AIPL1: variants seen among roughly 807,000 people sequenced by gnomAD.
AIPL1 encodes AIP like 1 HSP90 co-chaperone.
In AIPL1, 23 loss-of-function variants were observed where a neutral mutation model predicts 32.9. The observed-to-expected ratio is 0.70, with a 90% CI of 0.50 to 0.99. The LOEUF (loss-of-function observed/expected upper bound fraction) is 0.99, where lower values mean the gene tolerates loss of function less well. Among genes scored for constraint, AIPL1 ranks in the 50% least tolerant of loss-of-function variants. The pLI is 0.00. For missense variants in AIPL1, 485 were observed against 506.0 expected (o/e 0.96, Z 0.40); for synonymous variants, 210 against 209.4 (o/e 1.00, Z -0.02).
intron 2 of AIPL1, among the ~76,000 whole-genome samples, chr17:6,432,637 T>TTC (rs528838916): frequency 2.5e-5 from 1 of 40,526 alleles, no homozygotes; most frequent in African/African-American, 1.3e-4. Context: ...TAATATCCTC[T>TTC]TTTTTTTTTT....
chr17:6,427,110 C>T, intron 3 of AIPL1, 53 bp from the exon 4 acceptor site: 1 of 1,602,714 alleles, frequency 6.2e-7, no homozygotes, highest in Non-Finnish European at 8.5e-7. Context: ...GCCTGCACCC[C>T]ATCAGAGACC....
At chr17:6,433,817 C>T (rs1455486207) in intron 2 of AIPL1, 102 bp downstream of exon 2, 14 of 1,417,778 alleles carry the variant, frequency 9.9e-6, no homozygotes, top group East Asian at 2.5e-5. Flanking sequence ...TGCAAAGCTT[C>T]GCTTGAGTCC....
chr17:6,426,703 C>T lies in AIPL1; in HGVS notation c.696G>A (p.Leu232=). Residue 232 remains leucine (L), a synonymous_variant, in exon 5 of 6, where the codon CTG becomes CTA. Transcript: ENST00000381129. ...GCAGGCACTGGCAGTAGTTGAGGAT[C>T]AGAGTATTGATCATCTTCTCCAGCT... is the stretch of plus-strand genomic sequence containing the variant. The part of the protein sequence containing the change: ...WLKLEKMINT[L]ILNYCQCLLK... 6.2e-7 allele frequency: 1 copy of T among 1,614,190 alleles called. No individual in the cohort carries two copies. The highest frequency in any genetic ancestry group is 1.1e-5 in the South Asian group (1 of 91,084).
intron 2 of AIPL1, among the ~76,000 whole-genome samples, chr17:6,428,942 T>C (rs574998234): frequency 6.6e-6 from 1 of 152,110 alleles, no homozygotes; most frequent in Non-Finnish European, 1.5e-5. Context: ...AAGGGCAGTG[T>C]GGGGCAGTAG....
At chr17:6,433,861 G>T (rs890359130) in intron 2 of AIPL1, 58 bp downstream of exon 2, 3 of 1,575,118 alleles carry the variant, frequency 1.9e-6, no homozygotes, top group African/African-American at 1.6e-5. Flanking sequence ...CCCGCAAAGC[G>T]GGTGGGTGAG....
rs990950090 is a variant in AIPL1 at position 6,427,185 on chromosome 17, A to G, written c.466-128T>C. On this transcript the variant is annotated intron_variant, in intron 3 of 5. Transcript: ENST00000381129. Reference sequence around the variant, plus strand: ...GCTTGCTGGTCAAGTGCATACAGACAAGGGAAAGAAGCAACAACGCCGAAA... The same window carrying G: ...GCTTGCTGGTCAAGTGCATACAGACGAGGGAAAGAAGCAACAACGCCGAAA... 41 of 1,038,274 alleles carry G rather than the reference A, an allele frequency of 3.9e-5. No homozygotes were observed. In the African/African-American group the frequency reaches 6.4e-4, roughly 16 times the overall value. The allele number at this position is 1,038,274 out of a possible 1,614,324, so 64.3% of individuals were successfully genotyped here. A position where few individuals can be genotyped will look rare whatever the true frequency, so the allele number is the denominator to read the frequency against.
Position 6,431,926 on chromosome 17 carries a change from C to T in AIPL1, c.276+1993G>A, listed in dbSNP as rs561684451. ...GAAAGAGAGAGAGAAGAATCTGAAT[C>T]TTATCAGGCCCTCTAGACCCCACTT... On this transcript the variant is annotated intron_variant, in intron 2 of 5. Transcript: ENST00000381129. Among the ~76,000 whole-genome samples, 4 of 152,310 alleles carry T rather than the reference C, an allele frequency of 2.6e-5. No homozygotes were observed. The South Asian group carries it at 8.3e-4, about 32-fold the overall frequency.
At chr17:6,428,072 G>A (rs1179874133) in intron 3 of AIPL1, among the ~76,000 whole-genome samples, 6 of 139,150 alleles carry the variant, frequency 4.3e-5, no homozygotes, top group East Asian at 4.5e-4. Context: ...CAACCCCCTC[G>A]GCCTCCCAAA....
intron 2 of AIPL1, 140 bp downstream of exon 2, chr17:6,433,779 G>A: frequency 9.2e-6 from 10 of 1,092,326 alleles, no homozygotes; most frequent in Non-Finnish European, 1.4e-5. Flanking sequence ...ATGCACAGCG[G>A]TGGGGAATAA....
At chr17:6,425,973 CT>C in intron 5 of AIPL1, 143 bp from the exon 6 acceptor site, 1 of 1,211,772 alleles carries the variant, frequency 8.3e-7, no homozygotes, top group Non-Finnish European at 1.1e-6. Context: ...CCTCGGTTTC[CT>C]CAACTGTAAG....
intron 2 of AIPL1, among the ~76,000 whole-genome samples, chr17:6,432,396 AAGAAGGAAGT>A (rs1912689229): frequency 6.6e-6 from 1 of 151,984 alleles, no homozygotes; most frequent in South Asian, 2.1e-4. Flanking sequence ...AAAGAAAGAA[AAGAAGGAAGT>A]AGACCTATAG....
chr17:6,428,483 T>C lies in AIPL1; in HGVS notation c.300A>G (p.Leu100=), dbSNP rs8075035. 0.64 allele frequency: 1,037,003 copies of C among 1,613,462 alleles called. 335,818 individuals carry two copies. The highest frequency in any genetic ancestry group is 0.78 in the Middle Eastern group (4,721 of 6,062). The change falls in exon 3 of 6, where the codon CTA becomes CTG. Residue 100 remains leucine, a synonymous_variant. Coordinates refer to ENST00000381129, the MANE Select transcript of AIPL1 (RefSeq NM_014336.5). ...GGGCCATCTGCCTCAGGCTCCGGGA[T>C]AGGATGGGGTAGACCCCCGTGTGCT... ...DTIHTGVYPI[L]SRSLRQMAQG...
rs758342878 is a variant in AIPL1, at chr17:6,434,048, A to G, written c.147T>C (p.Ile49=). The change falls in exon 2 of 6, where the codon ATT becomes ATC. Residue 49 remains isoleucine (I), a synonymous_variant. Transcript: ENST00000381129. ...TMKCDEERTV[I]DDSRQVGQPM... ...GCTGGCCCACCTGCCGACTGTCGTC[A>G]ATGACTGTCCGCTCCTCATCACATT... 4 of 1,613,976 alleles carry G rather than the reference A, an allele frequency of 2.5e-6. No individual in the cohort carries two copies. The highest frequency in any genetic ancestry group is 1.7e-6 in the Non-Finnish European group (2 of 1,179,980).
At chr17:6,430,223 A>G (rs1015425371) in intron 2 of AIPL1, among the ~76,000 whole-genome samples, 5 of 152,114 alleles carry the variant, frequency 3.3e-5, no homozygotes, top group African/African-American at 1.2e-4. Context: ...TGGGAGGTCA[A>G]GGCCAGTGGC....
In AIPL1 at chr17:6,425,378, T is replaced by A; in HGVS notation, c.*82A>T. On this transcript the variant is annotated 3_prime_UTR_variant, in exon 6 of 6. Coordinates refer to ENST00000381129, the MANE Select transcript of AIPL1 (RefSeq NM_014336.5). ...AAAATTAATTTTAAATTTTAAAAAG[T>A]GACACCACGATCCTGGTCAATCGAA... is the stretch of plus-strand genomic sequence containing the variant. 6.9e-7 allele frequency: 1 copy of A among 1,445,196 alleles called. No individual in the cohort carries two copies. The highest frequency in any genetic ancestry group is 9.1e-7 in the Non-Finnish European group (1 of 1,095,370). 89.5% of individuals were successfully genotyped at this position (1,445,196 alleles called of 1,614,324 possible).
At chr17:6,427,187 G>C in intron 3 of AIPL1, 130 bp from the exon 4 acceptor site, 1 of 1,040,052 alleles carries the variant, frequency 9.6e-7, no homozygotes, top group Non-Finnish European at 1.4e-6. Flanking sequence ...ATACAGACAA[G>C]GGAAAGAAGC....
Position 6,425,744 on chromosome 17 carries a change from G to T in AIPL1, c.871C>A (p.Leu291Met). ...AEAKADLQKV[L>M]ELEPSMQKAV... ...TTCTGCATGGACGGCTCCAGCTCCAGCACTTTCTGGAGGTCCGCCTTGGCC... is the reference window on the plus strand; with the variant it reads ...TTCTGCATGGACGGCTCCAGCTCCATCACTTTCTGGAGGTCCGCCTTGGCC... Residue 291 changes from leucine (L) to methionine (M), a missense_variant, in exon 6 of 6, where the codon CTG becomes ATG. Leu to Met is a conservative substitution (Grantham distance 15). Transcript: ENST00000381129. The T allele has an allele frequency of 6.2e-7, 1 of 1,607,560 alleles. No homozygotes were observed.
chr17:6,425,444 G>A lies in AIPL1; in HGVS notation c.*16C>T. ...CCACTTGCTCCCTGCCTGGGTGGCT[G>A]TGGGCCTCAGGGGGCTCAGTGCTGC... On this transcript the variant is annotated 3_prime_UTR_variant, in exon 6 of 6. Coordinates refer to ENST00000381129, the MANE Select transcript of AIPL1 (RefSeq NM_014336.5). 5 of 1,574,080 alleles carry A rather than the reference G, an allele frequency of 3.2e-6. No individual in the cohort carries two copies. Among genetic ancestry groups the A allele is most frequent in the Admixed American group, 1.7e-5 (1 of 58,972 alleles).
chr17:6,427,810 C>CTTT (rs5819114), intron 3 of AIPL1, among the ~76,000 whole-genome samples: 9 of 144,738 alleles, frequency 6.2e-5, no homozygotes, highest in Non-Finnish European at 4.5e-5. Context: ...TCCAAGTGGA[C>CTTT]TTTTTTTTTT....
Sources: allele counts gnomAD v4.1 joint callset (sites outside exome capture counted in the v4.1 genomes callset), GRCh38; gene constraint gnomAD v4.1.1; transcripts MANE v1.5; gene names NCBI Gene and HGNC (gene_info 2026-07-23, HGNC 2026-07-21).